The following DYRK1A variants were observed in gnomAD, a reference collection of about 807,000 sequenced individuals.
DYRK1A encodes the protein dual specificity tyrosine phosphorylation regulated kinase 1A.
DYRK1A carries 9 observed loss-of-function variants against 79.7 expected under a neutral mutation model. That is an observed-to-expected ratio of 0.11 (90% confidence interval 0.07 to 0.20). The LOEUF is 0.20. DYRK1A is among the 10% of genes least tolerant of loss of function. The probability of loss-of-function intolerance (pLI) is 1.00; values close to 1 mark genes in which losing one functional copy is unlikely to be tolerated. For missense variants in DYRK1A, 622 were observed against 956.0 expected, an observed-to-expected ratio of 0.65 and a Z score of 4.61; for synonymous variants, 349 against 329.7, an observed-to-expected ratio of 1.06 and a Z score of -0.63.
intron 1 of DYRK1A, among the ~76,000 whole-genome samples, chr21:37,408,160 T>G (rs2050182177): frequency 6.6e-6 from 1 of 152,260 alleles, no homozygotes; most frequent in Non-Finnish European, 1.5e-5. Context: ...TTTTGCTCAG[T>G]CATGGTATGT....
At chr21:37,393,458 A>G (rs1021979476) in intron 1 of DYRK1A, among the ~76,000 whole-genome samples, 2 of 152,204 alleles carry the variant, frequency 1.3e-5, no homozygotes, top group African/African-American at 2.4e-5. Context: ...TGACTCCCCA[A>G]CCACCAATAG....
rs1238100227 is a variant in DYRK1A at position 37,457,386 on chromosome 21, T to C, written c.11-15298T>C. Among the ~76,000 whole-genome samples the C allele has an allele frequency of 2.6e-5, 4 of 152,064 alleles. No individual in the cohort carries two copies. In the East Asian group the frequency reaches 7.7e-4, roughly 29 times the overall value. ...CTGAGACCACAGGCGTGTACCACCA[T>C]GATCGCCTAATTGTGTGTGTGTGTG... is the stretch of plus-strand genomic sequence containing the variant. On this transcript the variant is annotated intron_variant, in intron 2 of 11. Coordinates refer to ENST00000647188, the MANE Select transcript of DYRK1A (RefSeq NM_001347721.2).
intron 1 of DYRK1A, among the ~76,000 whole-genome samples, chr21:37,378,088 G>T (rs1013476720): frequency 6.6e-6 from 1 of 152,168 alleles, no homozygotes; most frequent in African/African-American, 2.4e-5. Flanking sequence ...TTAGATTTTT[G>T]TGAATGTAAT....
intron 1 of DYRK1A, among the ~76,000 whole-genome samples, chr21:37,396,694 C>T (rs2148394797): frequency 6.6e-6 from 1 of 152,212 alleles, no homozygotes; most frequent in East Asian, 1.9e-4. Context: ...TGTTTATAAA[C>T]TTGAAGAATT....
chr21:37,457,630 T>A (rs1227643513), intron 2 of DYRK1A, among the ~76,000 whole-genome samples: 1 of 152,216 alleles, frequency 6.6e-6, no homozygotes, highest in Admixed American at 6.5e-5. Flanking sequence ...AATCAGTGTT[T>A]TAATTAGAAT....
intron 2 of DYRK1A, among the ~76,000 whole-genome samples, chr21:37,450,229 G>A (rs1244833040): frequency 6.6e-6 from 1 of 152,178 alleles, no homozygotes; most frequent in Non-Finnish European, 1.5e-5. Context: ...TAGGAGATTT[G>A]TTAGTTTGGT....
At chr21:37,462,556 C>A (rs1265348559) in intron 2 of DYRK1A, among the ~76,000 whole-genome samples, 1 of 152,156 alleles carries the variant, frequency 6.6e-6, no homozygotes, top group Non-Finnish European at 1.5e-5. Flanking sequence ...TGTTCTGTGC[C>A]TGGCTTCATG....
intron 2 of DYRK1A, among the ~76,000 whole-genome samples, chr21:37,442,346 G>A (rs893041914): frequency 6.6e-6 from 1 of 151,816 alleles, no homozygotes; most frequent in African/African-American, 2.4e-5. Context: ...ATATTATTAG[G>A]GTGCTTGAGA....
chr21:37,443,410 T>A (rs1160378782), intron 2 of DYRK1A, among the ~76,000 whole-genome samples: 3 of 152,246 alleles, frequency 2.0e-5, no homozygotes, highest in Admixed American at 6.5e-5. Context: ...TGTGTCTTTC[T>A]GCTTTTGTGC....
intron 1 of DYRK1A, among the ~76,000 whole-genome samples, chr21:37,371,242 G>A (rs1159279212): frequency 6.6e-6 from 1 of 152,196 alleles, no homozygotes; most frequent in African/African-American, 2.4e-5. Flanking sequence ...GACTTCATGT[G>A]ACTAAAATAA....
intron 2 of DYRK1A, among the ~76,000 whole-genome samples, 161 bp from the exon 3 acceptor site, chr21:37,472,523 A>C (rs2052258434): frequency 6.6e-6 from 1 of 152,230 alleles, no homozygotes; most frequent in Non-Finnish European, 1.5e-5. Context: ...ACCATTAAAA[A>C]CATAACTGTT....
chr21:37,431,277 A>G (rs2050767708), intron 2 of DYRK1A, among the ~76,000 whole-genome samples: 1 of 152,190 alleles, frequency 6.6e-6, no homozygotes, highest in African/African-American at 2.4e-5. Flanking sequence ...TTAGTTTTAA[A>G]GGATTGTTTT....
At chr21:37,511,856 A>G in intron 11 of DYRK1A, 55 bp from the exon 12 acceptor site, 1 of 1,565,998 alleles carries the variant, frequency 6.4e-7, no homozygotes, top group Non-Finnish European at 8.7e-7. Flanking sequence ...TTGATGGAAG[A>G]TTAAAGCTTG....
intron 6 of DYRK1A, chr21:37,488,291 A>C (rs1437770626): frequency 6.3e-6 from 6 of 956,012 alleles, no homozygotes; most frequent in African/African-American, 1.8e-5. Flanking sequence ...TCTGTTTGGA[A>C]AACAAAAGAA....
Position 37,515,567 on chromosome 21 carries a change from C to T in DYRK1A, c.*3036C>T, listed in dbSNP as rs547563630. On this transcript the variant is annotated 3_prime_UTR_variant, in exon 12 of 12. Coordinates refer to ENST00000647188, the MANE Select transcript of DYRK1A (RefSeq NM_001347721.2). ...ATTCTTCCTTCCCTAACTCCTCGTA[C>T]GGGGCCATATCAGAATTCTAGAATT... 2.6e-5 allele frequency: 4 copies of T among 152,260 alleles called. No individual in the cohort carries two copies. The South Asian group carries it at 6.2e-4, about 24-fold the overall frequency. The allele number at this position is 152,260 out of a possible 1,614,324, so 9.4% of individuals were successfully genotyped here. A position where few individuals can be genotyped will look rare whatever the true frequency, so the allele number is the denominator to read the frequency against.
At chr21:37,452,370 G>A (rs905528720) in intron 2 of DYRK1A, among the ~76,000 whole-genome samples, 3 of 151,670 alleles carry the variant, frequency 2.0e-5, no homozygotes, top group Admixed American at 6.6e-5. Flanking sequence ...TAAAGGGGGT[G>A]GGGAGGTGGA....
chr21:37,426,789 G>A (rs1190772613), intron 2 of DYRK1A, among the ~76,000 whole-genome samples: 2 of 150,144 alleles, frequency 1.3e-5, no homozygotes, highest in African/African-American at 2.4e-5. Context: ...GTTTGGTGGC[G>A]GGCACCTTTA....
intron 1 of DYRK1A, among the ~76,000 whole-genome samples, chr21:37,414,460 G>A (rs1193250964): frequency 1.3e-5 from 2 of 152,136 alleles, no homozygotes; most frequent in Non-Finnish European, 2.9e-5. Context: ...ATGGGGTTTA[G>A]TGGTTTAAAG....
chr21:37,428,323 A>G (rs777275328), intron 2 of DYRK1A, among the ~76,000 whole-genome samples: 8 of 152,166 alleles, frequency 5.3e-5, no homozygotes, highest in Admixed American at 2.0e-4. Flanking sequence ...CAAACATAAC[A>G]GATTCTCAAA....
Sources: allele counts gnomAD v4.1 joint callset (sites outside exome capture counted in the v4.1 genomes callset), GRCh38; gene constraint gnomAD v4.1.1; transcripts MANE v1.5; gene names NCBI Gene and HGNC (gene_info 2026-07-23, HGNC 2026-07-21).